MAN1A2: variants seen among roughly 807,000 people sequenced by gnomAD.
MAN1A2 encodes the protein mannosidase alpha class 1A member 2, also known as mannosyl-oligosaccharide 1,2-alpha-mannosidase IB.
MAN1A2 carries 26 observed loss-of-function variants against 75.7 expected under a neutral mutation model. The observed-to-expected ratio is 0.34, with a 90% CI of 0.25 to 0.48. The LOEUF is 0.48. Ranked by LOEUF, MAN1A2 falls within the 20% of genes least tolerant of loss-of-function variation. The probability of loss-of-function intolerance (pLI) is 0.99; values close to 1 mark genes in which losing one functional copy is unlikely to be tolerated. For synonymous variants in MAN1A2, 247 were observed against 264.6 expected, an observed-to-expected ratio of 0.93 and a Z score of 0.65; for missense variants, 562 against 775.5, an observed-to-expected ratio of 0.72 and a Z score of 3.27.
chr1:117,377,644 GA>G (rs1212341234), intron 1 of MAN1A2, among the ~76,000 whole-genome samples: 1 of 152,090 alleles, frequency 6.6e-6, no homozygotes, highest in African/African-American at 2.4e-5. Context: ...TTAAATAAAT[GA>G]TATATCCCAT....
At chr1:117,443,328 A>G (rs1036259202) in intron 6 of MAN1A2, among the ~76,000 whole-genome samples, 1 of 152,172 alleles carries the variant, frequency 6.6e-6, no homozygotes, top group African/African-American at 2.4e-5. Flanking sequence ...TTCATGCACT[A>G]TGTATAGTGC....
At chr1:117,442,195 G>A (rs948997157) in intron 5 of MAN1A2, 36 bp from the exon 6 acceptor site, 4 of 1,272,322 alleles carry the variant, frequency 3.1e-6, no homozygotes, top group Non-Finnish European at 4.6e-6. Context: ...CTTACTAATG[G>A]CTATAATTTA....
chr1:117,526,880 C>CTCTCTCTCTATA lies in MAN1A2; in HGVS notation c.*3924_*3925insCTCTCTCTATAT. ...TCTCTCTCTCTCTCTCTCTCTCTCT[C>CTCTCTCTCTATA]TATATATATATATATATATATATAT... On this transcript the variant is annotated 3_prime_UTR_variant, in exon 13 of 13. Transcript: ENST00000356554. The CTCTCTCTCTATA allele has an allele frequency of 3.3e-3, 180 of 54,486 alleles. No homozygotes were observed. Among genetic ancestry groups the CTCTCTCTCTATA allele is most frequent in the African/African-American group, 6.9e-3 (84 of 12,262 alleles). The allele number at this position is 54,486 out of a possible 1,614,324, so 3.4% of individuals were successfully genotyped here.
intron 6 of MAN1A2, among the ~76,000 whole-genome samples, chr1:117,451,681 C>T (rs926110073): frequency 1.3e-5 from 2 of 152,224 alleles, no homozygotes; most frequent in African/African-American, 4.8e-5. Context: ...GTTACACAAG[C>T]TCTTTTCTCT....
chr1:117,486,381 A>C lies in MAN1A2; in HGVS notation c.1169-6766A>C, dbSNP rs75954147. On this transcript the variant is annotated intron_variant, in intron 8 of 12. Transcript: ENST00000356554. Reference sequence around the variant, plus strand: ...TGTGGGTTATACAAGTATTCTCTATAATAAGGAGAACATTTATGTTTTATA... The same window carrying C: ...TGTGGGTTATACAAGTATTCTCTATCATAAGGAGAACATTTATGTTTTATA... 7.4e-3 allele frequency among the ~76,000 whole-genome samples: 1,120 copies of C among 152,034 alleles called. 17 individuals carry two copies. Among genetic ancestry groups the C allele is most frequent in the African/African-American group, 0.026 (1,071 of 41,520 alleles).
chr1:117,502,351 G>A (rs1651228149), intron 11 of MAN1A2, among the ~76,000 whole-genome samples: 1 of 151,672 alleles, frequency 6.6e-6, no homozygotes, highest in South Asian at 2.1e-4. Context: ...ATAGGATTAT[G>A]ATAATGCAAT....
chr1:117,458,347 G>A (rs1379147335), intron 6 of MAN1A2, among the ~76,000 whole-genome samples: 3 of 151,368 alleles, frequency 2.0e-5, no homozygotes, highest in Non-Finnish European at 4.4e-5. Context: ...TTTTCAGACA[G>A]TTTAAAAATA....
chr1:117,369,642 T>C (rs1271240770), intron 1 of MAN1A2, among the ~76,000 whole-genome samples: 1 of 152,220 alleles, frequency 6.6e-6, no homozygotes, highest in Non-Finnish European at 1.5e-5. Flanking sequence ...GAGTAGTTAC[T>C]TCTAATATTG....
chr1:117,487,449 T>C (rs1044025951), intron 8 of MAN1A2, among the ~76,000 whole-genome samples: 2 of 151,780 alleles, frequency 1.3e-5, no homozygotes, highest in Non-Finnish European at 2.9e-5. Flanking sequence ...TGGGAGACAA[T>C]AGGAAACCAG....
intron 4 of MAN1A2, among the ~76,000 whole-genome samples, chr1:117,415,664 A>AT (rs59397164): frequency 1.2e-4 from 18 of 151,482 alleles, no homozygotes; most frequent in African/African-American, 3.2e-4. Context: ...ATAGATATTT[A>AT]TTTTTTTTTC....
chr1:117,421,587 GTTCC>G (rs1033383539), intron 5 of MAN1A2, among the ~76,000 whole-genome samples: 9 of 149,746 alleles, frequency 6.0e-5, no homozygotes, highest in East Asian at 1.9e-4. Flanking sequence ...ATTTATTGTT[GTTCC>G]TTTGTGTGTA....
chr1:117,475,875 T>G (rs1650297360), intron 8 of MAN1A2, among the ~76,000 whole-genome samples: 1 of 152,176 alleles, frequency 6.6e-6, no homozygotes, highest in African/African-American at 2.4e-5. Flanking sequence ...TTTGGGTGTA[T>G]ACCCAGTAAT....
chr1:117,389,247 G>A (rs913843738), intron 1 of MAN1A2, among the ~76,000 whole-genome samples: 2 of 152,140 alleles, frequency 1.3e-5, no homozygotes, highest in East Asian at 3.8e-4. Context: ...ATTTGTTACA[G>A]CAGCAGTCCC....
At chr1:117,374,651 A>C (rs1007920610) in intron 1 of MAN1A2, among the ~76,000 whole-genome samples, 5 of 152,162 alleles carry the variant, frequency 3.3e-5, no homozygotes, top group Non-Finnish European at 7.4e-5. Context: ...TAGTTTCACC[A>C]TTGTCCTTGG....
intron 1 of MAN1A2, among the ~76,000 whole-genome samples, chr1:117,383,576 A>C (rs933961613): frequency 6.6e-6 from 1 of 152,110 alleles, no homozygotes; most frequent in African/African-American, 2.4e-5. Flanking sequence ...CAGTAAAGCT[A>C]TCTGGTTCTG....
intron 1 of MAN1A2, among the ~76,000 whole-genome samples, chr1:117,376,086 A>AT (rs748283051): frequency 1.3e-5 from 2 of 151,534 alleles, no homozygotes; most frequent in African/African-American, 2.4e-5. Flanking sequence ...TATTTTTTGT[A>AT]TTTTTTGTAG....
chr1:117,458,484 A>AATATATATATCTATATATATAT (rs1313468537), intron 6 of MAN1A2, among the ~76,000 whole-genome samples: 1 of 104,782 alleles, frequency 9.5e-6, no homozygotes, highest in Admixed American at 9.6e-5. Flanking sequence ...TAAGATGAGA[A>AATATATATATCTATATATATAT]ATATATATAT....
chr1:117,503,177 A>G (rs1651254289), intron 12 of MAN1A2, among the ~76,000 whole-genome samples: 1 of 151,548 alleles, frequency 6.6e-6, no homozygotes. Flanking sequence ...AGTACTTAGT[A>G]CCTGTTAAAA....
chr1:117,464,434 T>C lies in MAN1A2; in HGVS notation c.1075-1900T>C, dbSNP rs1649924171. ...ATACTTGATGCTTCATAACACCAAA[T>C]AGGAAGAAAAGTAGGCATATAAGCA... On this transcript the variant is annotated intron_variant, in intron 7 of 12. Transcript: ENST00000356554. Among the ~76,000 whole-genome samples the C allele has an allele frequency of 4.7e-5, 7 of 150,356 alleles. No individual in the cohort carries two copies. The South Asian group carries it at 1.5e-3, about 32-fold the overall frequency.
Sources: gnomAD v4.1 joint callset for allele counts (sites outside exome capture counted in the v4.1 genomes callset) on GRCh38, gnomAD v4.1.1 for gene constraint, MANE v1.5 for transcripts, NCBI Gene and HGNC (gene_info 2026-07-23, HGNC 2026-07-21) for gene names.